CRYBG3: variants seen among roughly 807,000 people sequenced by gnomAD.
The protein encoded by CRYBG3 is crystallin beta-gamma domain containing 3, also known as very large A-kinase anchor protein.
In CRYBG3, 127 loss-of-function variants were observed where a neutral mutation model predicts 244.2. The observed-to-expected ratio is 0.52, with a 90% confidence interval of 0.45 to 0.60. CRYBG3 has a LOEUF of 0.60. Among genes scored for constraint, CRYBG3 ranks in the 20% least tolerant of loss-of-function variants. The probability of loss-of-function intolerance (pLI) is 0.00; values close to 1 mark genes in which losing one functional copy is unlikely to be tolerated. For synonymous variants in CRYBG3, 1,132 were observed against 1,195.8 expected (o/e 0.95, Z 1.10); for missense variants, 3,325 against 3,442.5 (o/e 0.97, Z 0.85).
intron 17 of CRYBG3, among the ~76,000 whole-genome samples, chr3:97,925,142 A>C (rs921838659): frequency 1.3e-5 from 2 of 151,968 alleles, no homozygotes; most frequent in African/African-American, 4.8e-5. Context: ...TAAATAAAAT[A>C]ATTAGAAGAG....
rs1051083026 is a variant in CRYBG3 at position 97,873,591 on chromosome 3, G to C, written c.2397G>C (p.Lys799Asn). ...NTKANMSIIE[K>N]SDSLSLEAKT... ...AAGCAAATATGAGCATAATAGAGAA[G>C]TCTGATTCTCTTTCCTTGGAAGCCA... The change falls in exon 4 of 22, where the codon AAG becomes AAC. Residue 799 changes from lysine to asparagine, a missense_variant. This residue lies in a region of CRYBG3 where 1,526 missense variants were observed against 1,443.2 expected (regional missense o/e 1.06). Transcript: ENST00000389622. The C allele has an allele frequency of 5.2e-6, 8 of 1,534,562 alleles. No individual in the cohort carries two copies. The African/African-American group carries it at 1.1e-4, about 21-fold the overall frequency.
At chr3:97,840,979 C>A (rs550584826) in intron 1 of CRYBG3, among the ~76,000 whole-genome samples, 135 of 151,634 alleles carry the variant, frequency 8.9e-4, no homozygotes, top group African/African-American at 3.1e-3. Context: ...TTGTAAACAG[C>A]CTTTTGGCAA....
chr3:97,841,823 T>C (rs1169805713), intron 1 of CRYBG3, among the ~76,000 whole-genome samples: 1 of 152,144 alleles, frequency 6.6e-6, no homozygotes, highest in Non-Finnish European at 1.5e-5. Flanking sequence ...TATTCACTAA[T>C]TTTTGGTCTC....
In CRYBG3 at chr3:97,864,306, C is replaced by T. The variant is rs1471695510; in HGVS notation, c.306C>T (p.Ser102=). The change falls in exon 3 of 22, where the codon TCC becomes TCT. Residue 102 remains serine, a synonymous_variant. Transcript: ENST00000389622. ...QEDPKKAYDL[S]SSTSDTKIGE... The stretch of plus-strand genomic sequence containing the variant: ...ATCCCAAAAAGGCATATGATCTTTC[C>T]AGTTCCACTTCAGATACCAAAATAG... 3.9e-6 allele frequency: 6 copies of T among 1,535,700 alleles called. No individual in the cohort carries two copies. Among genetic ancestry groups the T allele is most frequent in the South Asian group, 3.6e-5 (3 of 84,044 alleles).
rs752400603 is a variant in CRYBG3 at position 97,912,160 on chromosome 3, C to G, written c.8005-7C>G. On this transcript the variant is annotated splice_region_variant and splice_polypyrimidine_tract_variant and intron_variant, in intron 15 of 21. Transcript: ENST00000389622. ...TCTATTTAACTGTTGTGTTGTTGTT[C>G]TTGTAGCTCAAAGCATTCAGCAAAC... is the stretch of plus-strand genomic sequence containing the variant. The G allele has an allele frequency of 2.0e-5, 31 of 1,521,176 alleles. No individual in the cohort carries two copies. Among genetic ancestry groups the G allele is most frequent in the Non-Finnish European group, 2.3e-5 (26 of 1,113,634 alleles). 94.2% of individuals were successfully genotyped at this position (1,521,176 alleles called of 1,614,324 possible).
At chr3:97,866,602 G>C (rs77502078) in intron 3 of CRYBG3, among the ~76,000 whole-genome samples, 1 of 152,084 alleles carries the variant, frequency 6.6e-6, no homozygotes, top group Non-Finnish European at 1.5e-5. Context: ...TTGACATCTA[G>C]CATTTTAAAG....
At chr3:97,827,804 A>T (rs897958893) in intron 1 of CRYBG3, among the ~76,000 whole-genome samples, 1 of 152,184 alleles carries the variant, frequency 6.6e-6, no homozygotes, top group African/African-American at 2.4e-5. Flanking sequence ...CAATATTGGT[A>T]GTAGAGTCAA....
intron 17 of CRYBG3, among the ~76,000 whole-genome samples, chr3:97,917,390 T>C (rs759250601): frequency 1.4e-4 from 21 of 152,138 alleles, no homozygotes; most frequent in Non-Finnish European, 1.5e-5. Context: ...ACTTCAAGAA[T>C]TGGTTAAAGA....
In CRYBG3 at chr3:97,846,756, T is replaced by G. The variant is rs2038909195; in HGVS notation, c.216+3495T>G. Among the ~76,000 whole-genome samples the G allele has an allele frequency of 2.0e-5, 3 of 152,208 alleles. No homozygotes were observed. The South Asian group carries it at 6.2e-4, about 31-fold the overall frequency. On this transcript the variant is annotated intron_variant, in intron 2 of 21. Coordinates refer to ENST00000389622, the MANE Select transcript of CRYBG3 (RefSeq NM_153605.4). Reference sequence around the variant, plus strand: ...TTTCAGATTGCCTATGGGATGATTGTTAGGTTCAGAGTCCCTTTTTGCAGT... The same window carrying G: ...TTTCAGATTGCCTATGGGATGATTGGTAGGTTCAGAGTCCCTTTTTGCAGT...
chr3:97,889,418 G>A lies in CRYBG3; in HGVS notation c.7440+28G>A, dbSNP rs554790947. 46 of 1,568,128 alleles carry A rather than the reference G, an allele frequency of 2.9e-5. No individual in the cohort carries two copies. In the South Asian group the frequency reaches 4.3e-4, roughly 15 times the overall value. On this transcript the variant is annotated intron_variant, in intron 10 of 21. Coordinates refer to ENST00000389622, the MANE Select transcript of CRYBG3 (RefSeq NM_153605.4). ...AAGTCTTGGACTGATTTTTGTAGCA[G>A]GCTAAAGAGTCTCAGGATTAATATT...
intron 15 of CRYBG3, among the ~76,000 whole-genome samples, chr3:97,908,482 A>G (rs2039805822): frequency 6.6e-6 from 1 of 152,128 alleles, no homozygotes; most frequent in Non-Finnish European, 1.5e-5. Flanking sequence ...TGTTGAATTG[A>G]TCCCCTTACC....
At chr3:97,878,179 G>C in intron 4 of CRYBG3, 142 bp downstream of exon 4, 1 of 683,648 alleles carries the variant, frequency 1.5e-6, no homozygotes, top group Non-Finnish European at 2.4e-6. Context: ...GGGAGGCCGA[G>C]GCAGGTGGAT....
At chr3:97,864,725 T>C in intron 3 of CRYBG3, 78 bp downstream of exon 3, 1 of 963,072 alleles carries the variant, frequency 1.0e-6, no homozygotes, top group Non-Finnish European at 1.5e-6. Flanking sequence ...TTAATCCTAG[T>C]AATTGGTGGG....
Position 97,941,187 on chromosome 3 carries a change from G to A in CRYBG3, c.8545G>A (p.Glu2849Lys), listed in dbSNP as rs1395688204. The stretch of plus-strand genomic sequence containing the variant: ...CAGAATAAAGAACCGTGCCCAGGGT[G>A]AATATCTGACAGTCACTGGAAGTCT... Reference protein sequence around the residue: ...YIRIKNRAQGEYLTVTGSLAD... With the variant: ...YIRIKNRAQGKYLTVTGSLAD... The change falls in exon 20 of 22, where the codon GAA becomes AAA. Residue 2849 changes from glutamate (E) to lysine (K), a missense_variant. Glu to Lys is a moderately conservative substitution (Grantham distance 56, BLOSUM62 1). This residue lies in a region of CRYBG3 where 714 missense variants were observed against 803.6 expected (regional missense o/e 0.89). Transcript: ENST00000389622. 2 of 1,611,592 alleles carry A rather than the reference G, an allele frequency of 1.2e-6. No homozygotes were observed. Among genetic ancestry groups the A allele is most frequent in the Non-Finnish European group, 1.7e-6 (2 of 1,178,372 alleles).
At position 97,905,376 on chromosome 3, in the gene CRYBG3, C is replaced by T. The variant is rs2039759869; in HGVS notation, c.8004+4891C>T. On this transcript the variant is annotated intron_variant, in intron 15 of 21. Transcript: ENST00000389622. ...GTCCCACCAACAGTGTAAAAGTGTT[C>T]CTATTTCTTCACATCCTCTCCAGCA... is the stretch of plus-strand genomic sequence containing the variant. Among the ~76,000 whole-genome samples, 2 of 151,728 alleles carry T rather than the reference C, an allele frequency of 1.3e-5. 1 individual carries two copies. Among genetic ancestry groups the T allele is most frequent in the South Asian group, 4.2e-4 (2 of 4,792 alleles).
rs368384561 is a variant in CRYBG3, at chr3:97,880,061, C to T, written c.6965C>T (p.Ser2322Phe). 183 of 1,598,894 alleles carry T rather than the reference C, an allele frequency of 1.1e-4. No individual in the cohort carries two copies. In the African/African-American group the frequency reaches 2.0e-3, roughly 17 times the overall value. The change falls in exon 6 of 22, where the codon TCT becomes TTT. Residue 2322 changes from serine (S) to phenylalanine (F), a missense_variant. Physicochemically the swap from Ser to Phe is radical, Grantham distance 155. Transcript: ENST00000389622. ...AATATTCCTGATGCTACATCATGGTCTTTTCCAAATGGAGTTCTAATAAAA... is the reference window on the plus strand; with the variant it reads ...AATATTCCTGATGCTACATCATGGTTTTTTCCAAATGGAGTTCTAATAAAA... ...YCNIPDATSWSFPNGVLIKVV... is the reference protein window; with the variant it reads ...YCNIPDATSWFFPNGVLIKVV...
At position 97,899,633 on chromosome 3, in the gene CRYBG3, T is replaced by C. The variant is rs557577549; in HGVS notation, c.7971+370T>C. 2.0e-5 allele frequency among the ~76,000 whole-genome samples: 3 copies of C among 152,310 alleles called. No individual in the cohort carries two copies. The East Asian group carries it at 5.8e-4, about 29-fold the overall frequency. On this transcript the variant is annotated intron_variant, in intron 14 of 21. Coordinates refer to ENST00000389622, the MANE Select transcript of CRYBG3 (RefSeq NM_153605.4). ...ATGATTAGTGAGAAAATGAAGTGTG[T>C]AGGCAGTGCAGGGGAGCAGGGAAAA...
chr3:97,932,619 C>T (rs1408328685), intron 17 of CRYBG3, among the ~76,000 whole-genome samples: 1 of 152,030 alleles, frequency 6.6e-6, no homozygotes, highest in African/African-American at 2.4e-5. Context: ...TGCTTCAGCC[C>T]ACTCATAGTC....
intron 11 of CRYBG3, among the ~76,000 whole-genome samples, chr3:97,894,383 A>AT (rs1459755089): frequency 1.3e-5 from 2 of 152,060 alleles, no homozygotes; most frequent in African/African-American, 4.8e-5. Flanking sequence ...GAAAGATGTG[A>AT]TGTCCCCATT....
Sources: allele counts gnomAD v4.1 joint callset (sites outside exome capture counted in the v4.1 genomes callset), GRCh38; gene constraint gnomAD v4.1.1; regional missense constraint gnomAD v4.1.1; transcripts MANE v1.5; gene names NCBI Gene and HGNC (gene_info 2026-07-23, HGNC 2026-07-21).